ITGB5: variants seen among roughly 807,000 people sequenced by gnomAD.
The protein encoded by ITGB5 is integrin beta-5.
A neutral mutation model predicts 84.8 loss-of-function variants in ITGB5; 38 were observed. The observed-to-expected ratio is 0.45, with a 90% CI of 0.35 to 0.59. The LOEUF is 0.59. ITGB5 is among the 20% of genes least tolerant of loss of function. The probability of loss-of-function intolerance (pLI) is 0.01; values close to 1 mark genes in which losing one functional copy is unlikely to be tolerated. For synonymous variants in ITGB5, 393 were observed against 414.4 expected (o/e 0.95, Z 0.63); for missense variants, 905 against 1,034.5 (o/e 0.87, Z 1.72).
intron 10 of ITGB5, among the ~76,000 whole-genome samples, chr3:124,790,693 T>C (rs2064137489): frequency 6.6e-6 from 1 of 152,010 alleles, no homozygotes; most frequent in Non-Finnish European, 1.5e-5. Context: ...ATGCTACTAG[T>C]ACCATGCTTC....
chr3:124,776,753 G>T (rs924215000), intron 10 of ITGB5, among the ~76,000 whole-genome samples: 2 of 152,248 alleles, frequency 1.3e-5, no homozygotes, highest in Non-Finnish European at 2.9e-5. Flanking sequence ...ATGGCACAGA[G>T]GCCAGGCGGG....
At chr3:124,774,480 A>G (rs1472748798) in intron 10 of ITGB5, among the ~76,000 whole-genome samples, 1 of 152,094 alleles carries the variant, frequency 6.6e-6, no homozygotes, top group Non-Finnish European at 1.5e-5. Context: ...GCCAAGAGCC[A>G]AGGAATGCGA....
At chr3:124,775,005 A>G (rs2063903206) in intron 10 of ITGB5, among the ~76,000 whole-genome samples, 1 of 152,258 alleles carries the variant, frequency 6.6e-6, no homozygotes, top group African/African-American at 2.4e-5. Context: ...GTCTGGCTCC[A>G]GAGTCCATGA....
At chr3:124,785,023 G>C (rs980790070) in intron 10 of ITGB5, among the ~76,000 whole-genome samples, 1 of 152,182 alleles carries the variant, frequency 6.6e-6, no homozygotes, top group Non-Finnish European at 1.5e-5. Context: ...CTGGCTGCCG[G>C]GACCCCAGTC....
chr3:124,778,639 T>C (rs2063958610), intron 10 of ITGB5, among the ~76,000 whole-genome samples: 1 of 152,160 alleles, frequency 6.6e-6, no homozygotes, highest in Non-Finnish European at 1.5e-5. Context: ...AACCTAGTTG[T>C]GTGGGGACAG....
intron 5 of ITGB5, among the ~76,000 whole-genome samples, chr3:124,838,210 A>T (rs2064963554): frequency 6.6e-6 from 1 of 152,072 alleles, no homozygotes; most frequent in Admixed American, 6.5e-5. Context: ...AGAATAAAAA[A>T]AAAAAAAAAG....
At chr3:124,787,205 G>A (rs184749795) in intron 10 of ITGB5, among the ~76,000 whole-genome samples, 1 of 152,168 alleles carries the variant, frequency 6.6e-6, no homozygotes, top group African/African-American at 2.4e-5. Context: ...CTAAGTAGAG[G>A]GAGTGGGACG....
intron 2 of ITGB5, chr3:124,862,174 C>G (rs1475581133): frequency 6.6e-6 from 1 of 152,292 alleles, no homozygotes; most frequent in Non-Finnish European, 1.5e-5. Flanking sequence ...GAGGAACTGA[C>G]TATACTTGGC....
rs201914359 is a variant in ITGB5 at position 124,773,827 on chromosome 3, T to G, written c.1779A>C (p.Thr593=). The G allele has an allele frequency of 6.2e-7, 1 of 1,614,036 alleles. No homozygotes were observed. The highest frequency in any genetic ancestry group is 1.3e-5 in the African/African-American group (1 of 74,950). Residue 593 remains threonine, a synonymous_variant, in exon 11 of 15, where the codon ACA becomes ACC. Coordinates refer to ENST00000296181, the MANE Select transcript of ITGB5 (RefSeq NM_002213.5). ...AGATCTGGCCATCTCTGCCCCGGCA[T>G]GTGCTGATGTCTGTCGAGCAGTTAC... ...DNCNCSTDIS[T]CRGRDGQICS...
At chr3:124,766,398 C>T (rs1352794407) in intron 12 of ITGB5, 53 bp from the exon 13 acceptor site, 2 of 1,597,904 alleles carry the variant, frequency 1.3e-6, no homozygotes, top group East Asian at 4.5e-5. Context: ...AGCCCACAGC[C>T]ACTGATGGTC....
At chr3:124,825,895 T>C (rs558135886) in intron 5 of ITGB5, among the ~76,000 whole-genome samples, 3 of 152,232 alleles carry the variant, frequency 2.0e-5, no homozygotes, top group East Asian at 3.9e-4. Flanking sequence ...TTTTTATTAA[T>C]AGTGAGAAAA....
rs757012772 is a variant in ITGB5 at position 124,841,449 on chromosome 3, C to A, written c.714G>T (p.Arg238Ser). The A allele has an allele frequency of 5.0e-6, 8 of 1,614,204 alleles. No homozygotes were observed. Among genetic ancestry groups the A allele is most frequent in the Non-Finnish European group, 3.4e-6 (4 of 1,180,036 alleles). ...DSFNEEVRKQ[R>S]VSRNRDAPEG... The stretch of plus-strand genomic sequence containing the variant: ...CAGGGGCATCTCGGTTCCGGGACAC[C>A]CTCTGTTTCCGAACTTCCTCATTGA... The change falls in exon 5 of 15, where the codon AGG becomes AGT. Residue 238 changes from arginine to serine, a missense_variant. By Grantham distance (110) the Arg-to-Ser change is moderately radical (BLOSUM62 -1). This residue lies in a region of ITGB5 where 656 missense variants were observed against 734.7 expected (regional missense o/e 0.89). Transcript: ENST00000296181.
rs193153983 is a variant in ITGB5, at chr3:124,763,363, G to A, written c.*260C>T. Reference sequence around the variant, plus strand: ...GGGACAACAAGCTGGATGTGGCAGGGAAAGCTGAGAGCGCCAAGGTCCCCT... The same window carrying A: ...GGGACAACAAGCTGGATGTGGCAGGAAAAGCTGAGAGCGCCAAGGTCCCCT... On this transcript the variant is annotated 3_prime_UTR_variant, in exon 15 of 15. Transcript: ENST00000296181. The A allele has an allele frequency of 2.8e-4, 89 of 321,590 alleles. No homozygotes were observed. The highest frequency in any genetic ancestry group is 1.8e-3 in the African/African-American group (85 of 47,242). The allele number at this position is 321,590 out of a possible 1,614,324, so 19.9% of individuals were successfully genotyped here.
At chr3:124,801,561 C>T (rs1251014654) in intron 9 of ITGB5, among the ~76,000 whole-genome samples, 2 of 152,294 alleles carry the variant, frequency 1.3e-5, no homozygotes, top group Admixed American at 6.5e-5. Context: ...GCCCCTCATA[C>T]GGGCCGTGTC....
At chr3:124,839,457 C>A (rs115242923) in intron 5 of ITGB5, among the ~76,000 whole-genome samples, 1 of 152,180 alleles carries the variant, frequency 6.6e-6, no homozygotes, top group African/African-American at 2.4e-5. Flanking sequence ...ATCAATCATG[C>A]CCTTTCAATT....
At chr3:124,890,657 G>A (rs917154926), upstream of ITGB5, among the ~76,000 whole-genome samples, 1 of 152,086 alleles carries the variant, frequency 6.6e-6, no homozygotes, top group Non-Finnish European at 1.5e-5. Context: ...ACTGCACTTG[G>A]AAAGTTCTGC....
intron 11 of ITGB5, among the ~76,000 whole-genome samples, chr3:124,771,160 A>G (rs751904412): frequency 1.3e-5 from 2 of 151,974 alleles, no homozygotes; most frequent in Non-Finnish European, 2.9e-5. Flanking sequence ...AGTTGTTTAG[A>G]GACACTTTGC....
chr3:124,773,004 C>T (rs892237907), intron 11 of ITGB5, among the ~76,000 whole-genome samples: 9 of 148,300 alleles, frequency 6.1e-5, no homozygotes, highest in Admixed American at 2.1e-4. Context: ...CTCCCAGGTT[C>T]AAGCCATTCT....
intron 10 of ITGB5, among the ~76,000 whole-genome samples, chr3:124,781,587 C>T (rs192714861): frequency 1.1e-4 from 16 of 152,266 alleles, no homozygotes; most frequent in Admixed American, 6.5e-5. Flanking sequence ...TCAGTAGCAA[C>T]TAAATAAATC....
Sources: gnomAD v4.1 joint callset for allele counts (sites outside exome capture counted in the v4.1 genomes callset) on GRCh38, gnomAD v4.1.1 for gene constraint, gnomAD v4.1.1 regional missense constraint, MANE v1.5 for transcripts, NCBI Gene and HGNC (gene_info 2026-07-23, HGNC 2026-07-21) for gene names.